Variants in ZNF704 observed in about 807,000 individuals in gnomAD.
The protein encoded by ZNF704 is glucocorticoid induced gene 1.
In ZNF704, 10 loss-of-function variants were observed where a neutral mutation model predicts 44.7. The ratio of observed to expected loss-of-function variants is 0.22; its 90% CI spans 0.14 to 0.38. ZNF704 has a LOEUF of 0.38. Among genes scored for constraint, ZNF704 ranks in the 10% least tolerant of loss-of-function variants. The pLI is 1.00. For synonymous variants in ZNF704, 211 were observed against 207.6 expected (o/e 1.02, Z -0.14); for missense variants, 390 against 545.5 (o/e 0.71, Z 2.84).
chr8:80,799,076 T>C (rs1389214132), intron 2 of ZNF704, among the ~76,000 whole-genome samples: 4 of 152,194 alleles, frequency 2.6e-5, no homozygotes, highest in Non-Finnish European at 4.4e-5. Flanking sequence ...CATTAATCCA[T>C]TGATCCATAA....
chr8:80,637,388 G>C lies in ZNF704; in HGVS notation c.*3978C>G, dbSNP rs1817679515. The C allele has an allele frequency of 6.6e-6, 1 of 152,072 alleles. No homozygotes were observed. The highest frequency in any genetic ancestry group is 1.5e-5 in the Non-Finnish European group (1 of 68,020). The allele number at this position is 152,072 out of a possible 1,614,324, so 9.4% of individuals were successfully genotyped here. Reference sequence around the variant, plus strand: ...ATTCTCTGTTATATGTACAATTCTGGCCACTTTTCTCTCAACCTTTGCAAG... The same window carrying C: ...ATTCTCTGTTATATGTACAATTCTGCCCACTTTTCTCTCAACCTTTGCAAG... On this transcript the variant is annotated 3_prime_UTR_variant, in exon 9 of 9. Coordinates refer to ENST00000327835, the MANE Select transcript of ZNF704 (RefSeq NM_001033723.3).
intron 7 of ZNF704, among the ~76,000 whole-genome samples, chr8:80,648,914 T>C (rs72671909): frequency 2.5e-4 from 38 of 152,322 alleles, no homozygotes; most frequent in Non-Finnish European, 5.1e-4. Context: ...CCCTGCTTTT[T>C]GCACTCTTCC....
chr8:80,669,826 C>A (rs1006847418), intron 5 of ZNF704, among the ~76,000 whole-genome samples: 12 of 152,006 alleles, frequency 7.9e-5, no homozygotes, highest in African/African-American at 2.7e-4. Flanking sequence ...ATACCACTGC[C>A]CCCCTGGGGT....
At chr8:80,750,414 AAT>A (rs1445472398) in intron 2 of ZNF704, among the ~76,000 whole-genome samples, 12 of 152,338 alleles carry the variant, frequency 7.9e-5, no homozygotes, top group Non-Finnish European at 1.6e-4. Flanking sequence ...TAACATATGC[AAT>A]ATGTTATTTC....
chr8:80,709,897 T>C (rs1166663932), intron 2 of ZNF704, among the ~76,000 whole-genome samples: 1 of 152,176 alleles, frequency 6.6e-6, no homozygotes, highest in African/African-American at 2.4e-5. Context: ...TTGTAAGATA[T>C]CAGGGGTGTA....
At chr8:80,641,540 C>T (rs1817743677) in intron 8 of ZNF704, 63 bp from the exon 9 acceptor site, 1 of 975,610 alleles carries the variant, frequency 1.0e-6, no homozygotes, top group East Asian at 2.8e-5. Flanking sequence ...CTATGGAGAG[C>T]TCAAAAATCC....
intron 1 of ZNF704, among the ~76,000 whole-genome samples, chr8:80,842,024 T>C (rs2129967765): frequency 6.6e-6 from 1 of 152,336 alleles, no homozygotes; most frequent in South Asian, 2.1e-4. Context: ...CTTGAGCTCC[T>C]GGGCTCAAAT....
intron 2 of ZNF704, among the ~76,000 whole-genome samples, chr8:80,725,670 A>T (rs1806466753): frequency 2.0e-5 from 3 of 152,170 alleles, no homozygotes; most frequent in Admixed American, 2.0e-4. Context: ...TAGAGTCAGC[A>T]ATGAAACAGA....
intron 2 of ZNF704, among the ~76,000 whole-genome samples, chr8:80,798,029 C>T (rs1425010075): frequency 2.0e-5 from 3 of 152,036 alleles, no homozygotes; most frequent in Admixed American, 2.0e-4. Context: ...GCCAGATATC[C>T]TAATTCATGG....
chr8:80,847,773 C>T (rs1808791014), intron 1 of ZNF704, among the ~76,000 whole-genome samples: 1 of 152,182 alleles, frequency 6.6e-6, no homozygotes. Flanking sequence ...AAAACATGAA[C>T]TTCAGCCGAA....
At chr8:80,808,489 T>C (rs1029248937) in intron 2 of ZNF704, among the ~76,000 whole-genome samples, 1 of 152,226 alleles carries the variant, frequency 6.6e-6, no homozygotes, top group African/African-American at 2.4e-5. Context: ...AAAATATGAC[T>C]ACACTGTTTG....
In ZNF704 at chr8:80,824,569, G is replaced by A. The variant is rs188923234; in HGVS notation, c.-21-2954C>T. 5.3e-5 allele frequency among the ~76,000 whole-genome samples: 8 copies of A among 152,218 alleles called. No homozygotes were observed. The East Asian group carries it at 1.5e-3, about 29-fold the overall frequency. ...CCAACATTCAAATTCAAGAAATACA[G>A]AGAACGCCACAAAGATACTCCTTGA... is the stretch of plus-strand genomic sequence containing the variant. On this transcript the variant is annotated intron_variant, in intron 1 of 8. Coordinates refer to ENST00000327835, the MANE Select transcript of ZNF704 (RefSeq NM_001033723.3).
intron 1 of ZNF704, among the ~76,000 whole-genome samples, chr8:80,852,703 C>T (rs1007449073): frequency 1.3e-5 from 2 of 152,132 alleles, no homozygotes; most frequent in South Asian, 4.1e-4. Flanking sequence ...CTACTAATTC[C>T]CAAGTTTTCA....
intron 2 of ZNF704, among the ~76,000 whole-genome samples, chr8:80,697,134 G>C (rs1818738992): frequency 6.6e-6 from 1 of 152,152 alleles, no homozygotes; most frequent in Non-Finnish European, 1.5e-5. Context: ...TGAGCCCTGG[G>C]CTTACTGGGA....
At chr8:80,813,951 T>C (rs1420807557) in intron 2 of ZNF704, among the ~76,000 whole-genome samples, 1 of 152,172 alleles carries the variant, frequency 6.6e-6, no homozygotes, top group African/African-American at 2.4e-5. Flanking sequence ...AGAGAACTGC[T>C]GGAAAAAGTT....
intron 4 of ZNF704, among the ~76,000 whole-genome samples, chr8:80,680,518 T>C (rs1818436816): frequency 6.6e-6 from 1 of 152,086 alleles, no homozygotes; most frequent in South Asian, 2.1e-4. Flanking sequence ...GGCTGCATTA[T>C]ACAAACTTCC....
rs115083769 is a variant in ZNF704, at chr8:80,866,607, T to C, written c.-22+7964A>G. Among the ~76,000 whole-genome samples, 483 of 152,280 alleles carry C rather than the reference T, an allele frequency of 3.2e-3. 2 individuals are homozygous for C. The highest frequency in any genetic ancestry group is 0.011 in the African/African-American group (463 of 41,560). ...CAAGTTTGCTTGACTTCTGCAAACA[T>C]ATCAAGTCATTGTAACAAGGCTGAT... is the stretch of plus-strand genomic sequence containing the variant. On this transcript the variant is annotated intron_variant, in intron 1 of 8. Transcript: ENST00000327835.
chr8:80,846,938 T>C (rs1006679414), intron 1 of ZNF704, among the ~76,000 whole-genome samples: 3 of 152,132 alleles, frequency 2.0e-5, no homozygotes, highest in Non-Finnish European at 4.4e-5. Flanking sequence ...TTTGGGAGGC[T>C]GAGGCAGGCA....
chr8:80,641,872 G>A (rs1376940182), intron 8 of ZNF704, among the ~76,000 whole-genome samples: 1 of 152,112 alleles, frequency 6.6e-6, no homozygotes, highest in Admixed American at 6.5e-5. Context: ...ACTCTAATAT[G>A]TGCTGGTTGT....
Sources: allele counts gnomAD v4.1 joint callset (sites outside exome capture counted in the v4.1 genomes callset), GRCh38; gene constraint gnomAD v4.1.1; transcripts MANE v1.5; gene names NCBI Gene and HGNC (gene_info 2026-07-23, HGNC 2026-07-21).